The following ABCC1 variants were observed in gnomAD, a reference collection of about 807,000 sequenced individuals.
ABCC1 encodes multidrug resistance-associated protein 1.
Under a neutral mutation model 172.9 loss-of-function variants are expected in ABCC1, and 83 were observed. That is an observed-to-expected ratio of 0.48 (90% CI 0.40 to 0.58). ABCC1 has a LOEUF of 0.58. Ranked by LOEUF, ABCC1 falls within the 20% of genes least tolerant of loss-of-function variation. The pLI is 0.00. For synonymous variants in ABCC1, 937 were observed against 825.2 expected, an observed-to-expected ratio of 1.14 and a Z score of -2.32; for missense variants, 1,817 against 2,002.7, an observed-to-expected ratio of 0.91 and a Z score of 1.77.
chr16:16,005,140 G>A (rs1448234419), intron 1 of ABCC1, among the ~76,000 whole-genome samples: 1 of 148,414 alleles, frequency 6.7e-6, no homozygotes, highest in African/African-American at 2.5e-5. Context: ...GACACTCCAT[G>A]GGGGTCTCAG....
intron 6 of ABCC1, among the ~76,000 whole-genome samples, chr16:16,035,555 A>G (rs1029023362): frequency 4.6e-5 from 7 of 150,936 alleles, no homozygotes; most frequent in Non-Finnish European, 1.0e-4. Flanking sequence ...CAGTGACACA[A>G]TGACGGCTCT....
intron 19 of ABCC1, among the ~76,000 whole-genome samples, chr16:16,091,497 T>C (rs552238756): frequency 4.0e-5 from 6 of 151,588 alleles, no homozygotes; most frequent in Non-Finnish European, 7.4e-5. Flanking sequence ...ATGGGTGTCA[T>C]TGTGGCAACT....
intron 10 of ABCC1, among the ~76,000 whole-genome samples, chr16:16,049,855 C>CTT (rs112143242): frequency 4.1e-5 from 6 of 147,034 alleles, no homozygotes; most frequent in African/African-American, 1.5e-4. Flanking sequence ...ATTAAATTTT[C>CTT]TTTTTTTTTT....
chr16:16,090,413 C>T lies in ABCC1; in HGVS notation c.2469C>T (p.Ile823=). The T allele has an allele frequency of 1.3e-6, 2 of 1,597,090 alleles. No individual in the cohort carries two copies. The highest frequency in any genetic ancestry group is 1.7e-6 in the Non-Finnish European group (2 of 1,168,938). The change falls in exon 19 of 31, where the codon ATC becomes ATT. Residue 823 remains isoleucine, a synonymous_variant. Transcript: ENST00000399410. ...PKGMLKNKTR[I]LVTHSMSYLP... ...GTCCCCTTTGCCCACAGACGCGGAT[C>T]TTGGTCACGCACAGCATGAGCTACT... is the stretch of plus-strand genomic sequence containing the variant.
intron 28 of ABCC1, 79 bp from the exon 29 acceptor site, chr16:16,136,399 C>T (rs1235775139): frequency 2.0e-6 from 3 of 1,518,030 alleles, no homozygotes; most frequent in East Asian, 4.6e-5. Context: ...CAGTCCTGGC[C>T]AGAAGTCCTT....
At chr16:16,012,626 T>TA (rs1030881639) in intron 3 of ABCC1, among the ~76,000 whole-genome samples, 3 of 151,556 alleles carry the variant, frequency 2.0e-5, no homozygotes, top group Admixed American at 2.0e-4. Flanking sequence ...TGAGCCACCA[T>TA]ACGTGGTCAG....
intron 1 of ABCC1, among the ~76,000 whole-genome samples, chr16:15,976,441 G>T (rs962109412): frequency 4.6e-5 from 7 of 152,150 alleles, no homozygotes; most frequent in Non-Finnish European, 8.8e-5. Context: ...GGGAAAGGAG[G>T]CAGAGAGAGG....
intron 1 of ABCC1, among the ~76,000 whole-genome samples, chr16:15,962,100 G>C (rs553962047): frequency 3.3e-5 from 5 of 152,270 alleles, no homozygotes; most frequent in African/African-American, 4.8e-5. Context: ...TGCCATATCA[G>C]AAAAATTGAG....
At chr16:15,981,520 G>C (rs1409538272) in intron 1 of ABCC1, among the ~76,000 whole-genome samples, 1 of 152,170 alleles carries the variant, frequency 6.6e-6, no homozygotes. Flanking sequence ...TGCACCCTCT[G>C]ATGGCACAGC....
intron 30 of ABCC1, 82 bp downstream of exon 30, chr16:16,138,640 C>T: frequency 8.4e-7 from 1 of 1,193,342 alleles, no homozygotes; most frequent in Non-Finnish European, 1.1e-6. Context: ...TTAATTCATT[C>T]AACACTGTCC....
intron 5 of ABCC1, among the ~76,000 whole-genome samples, chr16:16,026,881 C>T (rs1257631163): frequency 6.6e-6 from 1 of 152,116 alleles, no homozygotes; most frequent in Non-Finnish European, 1.5e-5. Context: ...CGGGCCACTG[C>T]ACTCCAGCCT....
intron 1 of ABCC1, among the ~76,000 whole-genome samples, chr16:15,961,618 CGTTT>C (rs2046135111): frequency 6.6e-6 from 1 of 151,996 alleles, no homozygotes; most frequent in Non-Finnish European, 1.5e-5. Context: ...AGAACGTGTT[CGTTT>C]GTGTGTATAT....
At chr16:15,997,651 C>A (rs1402152063) in intron 1 of ABCC1, among the ~76,000 whole-genome samples, 1 of 152,018 alleles carries the variant, frequency 6.6e-6, no homozygotes, top group East Asian at 1.9e-4. Context: ...GGAATCGTCC[C>A]TTCCTTGAGC....
chr16:15,958,338 T>G (rs557089082), intron 1 of ABCC1, among the ~76,000 whole-genome samples: 1 of 152,072 alleles, frequency 6.6e-6, no homozygotes, highest in East Asian at 1.9e-4. Flanking sequence ...ATTCCTGAAC[T>G]CAAGTGGATC....
Position 16,124,770 on chromosome 16 carries a change from C to T in ABCC1, c.3591-19C>T, listed in dbSNP as rs753225139. 1 of 1,613,912 alleles carries T rather than the reference C, an allele frequency of 6.2e-7. No homozygotes were observed. On this transcript the variant is annotated intron_variant, in intron 24 of 30. Coordinates refer to ENST00000399410, the MANE Select transcript of ABCC1 (RefSeq NM_004996.4). ...AGCTGACTCCATGCCTGTTTGTCTGCCTGTGTGTCTTGGCGCAGGTGGCTG... is the reference window on the plus strand; with the variant it reads ...AGCTGACTCCATGCCTGTTTGTCTGTCTGTGTGTCTTGGCGCAGGTGGCTG...
chr16:16,057,260 G>A (rs1006048334), intron 12 of ABCC1, among the ~76,000 whole-genome samples: 8 of 150,424 alleles, frequency 5.3e-5, no homozygotes, highest in Admixed American at 2.0e-4. Context: ...TCAGGAGGCC[G>A]AGACATGAGA....
intron 1 of ABCC1, among the ~76,000 whole-genome samples, chr16:16,000,011 T>C (rs891076697): frequency 2.7e-5 from 4 of 150,304 alleles, no homozygotes; most frequent in Admixed American, 1.3e-4. Context: ...CATGCCACCA[T>C]GCCTGGCTAA....
At chr16:15,953,447 C>T (rs998507928) in intron 1 of ABCC1, among the ~76,000 whole-genome samples, 1 of 152,158 alleles carries the variant, frequency 6.6e-6, no homozygotes, top group Non-Finnish European at 1.5e-5. Context: ...AAATTCGCCT[C>T]TGCTGCTGAG....
At chr16:16,139,945 A>G (rs1312969418) in intron 30 of ABCC1, among the ~76,000 whole-genome samples, 1 of 152,240 alleles carries the variant, frequency 6.6e-6, no homozygotes, top group Non-Finnish European at 1.5e-5. Context: ...CCTCTCAGCC[A>G]CTTGACTCCA....
Sources: gnomAD v4.1 joint callset for allele counts (sites outside exome capture counted in the v4.1 genomes callset) on GRCh38, gnomAD v4.1.1 for gene constraint, MANE v1.5 for transcripts, NCBI Gene and HGNC (gene_info 2026-07-23, HGNC 2026-07-21) for gene names.